ITFG2: variants seen among roughly 807,000 people sequenced by gnomAD.
The protein encoded by ITFG2 is KICSTOR complex protein ITFG2.
Under a neutral mutation model 54.4 loss-of-function variants are expected in ITFG2, and 36 were observed. The ratio of observed to expected loss-of-function variants is 0.66; its 90% CI spans 0.51 to 0.87. The LOEUF is 0.87. ITFG2 is among the 40% of genes least tolerant of loss of function. ITFG2 has a pLI of 0.00. For synonymous variants in ITFG2, 211 were observed against 225.4 expected (o/e 0.94, Z 0.57); for missense variants, 524 against 576.7 (o/e 0.91, Z 0.94).
intron 10 of ITFG2, 148 bp from the exon 11 acceptor site, chr12:2,823,622 C>G (rs2097953417): frequency 3.0e-6 from 3 of 1,001,812 alleles, no homozygotes; most frequent in Middle Eastern, 4.4e-4. Flanking sequence ...TACTGAGTTC[C>G]CAACAGAGAA....
upstream of ITFG2, among the ~76,000 whole-genome samples, chr12:2,833,254 A>G (rs2098012327): frequency 6.6e-6 from 1 of 152,076 alleles, no homozygotes; most frequent in South Asian, 2.1e-4. Context: ...CACATGTAGG[A>G]TGGTCCCCAG....
At chr12:2,823,182 A>G (rs2097951535) in intron 10 of ITFG2, among the ~76,000 whole-genome samples, 1 of 152,236 alleles carries the variant, frequency 6.6e-6, no homozygotes, top group Non-Finnish European at 1.5e-5. Flanking sequence ...AAGAAGAAAT[A>G]AAAGACAGTA....
At chr12:2,827,754 C>T (rs1043460049), downstream of ITFG2, 5 of 1,610,604 alleles carry the variant, frequency 3.1e-6, no homozygotes, top group Non-Finnish European at 4.2e-6. The surrounding 1 kb of genome is among the most constrained non-coding windows in gnomAD (Gnocchi z 4.0). Flanking sequence ...GCCGTTGCTC[C>T]TTCTCTGCCC....
intron 2 of ITFG2, chr12:2,849,266 C>A (rs905554689): frequency 9.8e-6 from 15 of 1,536,000 alleles, no homozygotes; most frequent in Non-Finnish European, 1.1e-5. Context: ...CTCTTCCTTG[C>A]TGGGGATTTG....
At chr12:2,858,929 A>C (rs1393366350) in intron 3 of ITFG2, 1 of 1,613,322 alleles carries the variant, frequency 6.2e-7, no homozygotes, top group Non-Finnish European at 8.5e-7. Flanking sequence ...CAAGGGGGGG[A>C]GCACTTTGCA....
chr12:2,825,793 C>T (rs1031258035), downstream of ITFG2: 1 of 152,310 alleles, frequency 6.6e-6, no homozygotes, highest in African/African-American at 2.4e-5. Flanking sequence ...GACAGGGTCT[C>T]ACTCCTTCAC....
At chr12:2,831,350 G>A (rs1162213709), downstream of ITFG2, among the ~76,000 whole-genome samples, 2 of 151,980 alleles carry the variant, frequency 1.3e-5, no homozygotes, top group East Asian at 1.9e-4. Flanking sequence ...TTGGGAGGCC[G>A]AGGTGGGTGG....
Position 2,812,858 on chromosome 12 carries a change from T to C in ITFG2, c.96+2T>C, listed in dbSNP as rs188265039. ...CTCGGAGACGTTGATAACGATACGGTAGGTGCATGCGCACCGCAAGAGACA... is the reference window on the plus strand; with the variant it reads ...CTCGGAGACGTTGATAACGATACGGCAGGTGCATGCGCACCGCAAGAGACA... On this transcript the variant is annotated splice_donor_variant, in intron 1 of 11. Coordinates refer to ENST00000228799, the MANE Select transcript of ITFG2 (RefSeq NM_018463.4). LOFTEE classifies it high-confidence loss of function. 1.9e-6 allele frequency: 3 copies of C among 1,608,060 alleles called. No individual in the cohort carries two copies. Among genetic ancestry groups the C allele is most frequent in the East Asian group, 2.2e-5 (1 of 44,708 alleles).
intron 2 of ITFG2, among the ~76,000 whole-genome samples, chr12:2,846,219 T>C (rs1464760172): frequency 6.6e-6 from 1 of 152,130 alleles, no homozygotes; most frequent in South Asian, 2.1e-4. Context: ...AAGTCCTGAC[T>C]AGAGGCTGGG....
At position 2,824,142 on chromosome 12, in the gene ITFG2, T is replaced by C; in HGVS notation, c.1293T>C (p.His431=). 6.2e-7 allele frequency: 1 copy of C among 1,614,054 alleles called. No homozygotes were observed. The change falls in exon 12 of 12, where the codon CAT becomes CAC. Residue 431 remains histidine, a synonymous_variant. Coordinates refer to ENST00000228799, the MANE Select transcript of ITFG2 (RefSeq NM_018463.4). ...CCCTGCTTCACCAAACGCTCTACCA[T>C]CCAGACCAGCCACCACAGTGTGCTC... ...TRALLHQTLY[H]PDQPPQCAPS...
intron 2 of ITFG2, chr12:2,817,663 C>CAA (rs1834668202): frequency 1.9e-6 from 1 of 520,082 alleles, no homozygotes; most frequent in African/African-American, 1.9e-5. Context: ...CTATTAAATA[C>CAA]AGAGTTTCTA....
upstream of ITFG2, among the ~76,000 whole-genome samples, chr12:2,836,462 T>C (rs2098028023): frequency 1.3e-5 from 2 of 152,244 alleles, no homozygotes; most frequent in African/African-American, 2.4e-5. Context: ...ACATGTACTT[T>C]CAGACAAACC....
At chr12:2,834,575 T>G (rs912672729), upstream of ITFG2, 1 of 1,516,364 alleles carries the variant, frequency 6.6e-7, no homozygotes, top group Non-Finnish European at 8.8e-7. Context: ...TCCTGCCTCC[T>G]GCTCAGGATC....
At chr12:2,830,840 T>A in exon 3 of ITFG2, 1 of 1,613,614 alleles carries the variant, frequency 6.2e-7, no homozygotes, top group Non-Finnish European at 8.5e-7. Context: ...CCAGGCGTCT[T>A]TGGATCACAC....
chr12:2,815,289 C>T (rs12299953), intron 1 of ITFG2, among the ~76,000 whole-genome samples: 2,318 of 152,298 alleles, frequency 0.015, 65 homozygotes, highest in African/African-American at 0.052. Flanking sequence ...TTGGCTGTAC[C>T]CCCAAGAGGA....
chr12:2,858,673 T>C (rs773302517), intron 3 of ITFG2: 2 of 1,613,976 alleles, frequency 1.2e-6, no homozygotes, highest in East Asian at 2.2e-5. Flanking sequence ...GACCAGTTGA[T>C]GTTGTCAGGG....
intron 2 of ITFG2, chr12:2,849,447 G>C: frequency 6.5e-7 from 1 of 1,536,184 alleles, no homozygotes. Flanking sequence ...AGCTCCTGGC[G>C]AAATTATTGG....
chr12:2,845,237 G>A lies in ITFG2; in HGVS notation n.300+4242G>A, dbSNP rs2153927516. ...AAGGCTGGAGGGTCGCAGGGAAGCT[G>A]GAAAGTGAGTTGGGTGGGGACTGTC... On this transcript the variant is annotated intron_variant and non_coding_transcript_variant, in intron 2 of 3. Coordinates refer to the ITFG2 transcript ENST00000537710. This position sits in a 1 kb window ranked among gnomAD's most constrained non-coding sequence, Gnocchi z 4.2. Among the ~76,000 whole-genome samples the A allele has an allele frequency of 6.6e-6, 1 of 152,326 alleles. No individual in the cohort carries two copies. The highest frequency in any genetic ancestry group is 2.4e-5 in the African/African-American group (1 of 41,578).
intron 10 of ITFG2, among the ~76,000 whole-genome samples, chr12:2,823,515 T>C (rs2097952835): frequency 6.6e-6 from 1 of 152,204 alleles, no homozygotes; most frequent in African/African-American, 2.4e-5. Flanking sequence ...GGAAAAGCAA[T>C]AAATAGCACC....
Sources: allele counts gnomAD v4.1 joint callset (sites outside exome capture counted in the v4.1 genomes callset), GRCh38; gene constraint gnomAD v4.1.1; non-coding constraint Gnocchi (gnomAD v3.1); transcripts MANE v1.5; gene names NCBI Gene and HGNC (gene_info 2026-07-23, HGNC 2026-07-21).